TRPM3: variants seen among roughly 807,000 people sequenced by gnomAD.
The protein encoded by TRPM3 is transient receptor potential cation channel subfamily M member 3, also known as long transient receptor potential channel 3.
In TRPM3, 77 loss-of-function variants were observed where a neutral mutation model predicts 181.2. The observed-to-expected ratio is 0.42, with a 90% CI of 0.35 to 0.51. The LOEUF is 0.51. Among genes scored for constraint, TRPM3 ranks in the 20% least tolerant of loss-of-function variants. TRPM3 has a pLI of 0.01. For missense variants in TRPM3, 1,759 were observed against 2,196.7 expected (o/e 0.80, Z 3.98); for synonymous variants, 745 against 796.4 (o/e 0.94, Z 1.09).
chr9:71,210,154 G>A (rs2079397863), intron 1 of TRPM3, among the ~76,000 whole-genome samples: 1 of 152,164 alleles, frequency 6.6e-6, no homozygotes, highest in Non-Finnish European at 1.5e-5. Flanking sequence ...ATCAGCTGCA[G>A]CATTAGGTTC....
Position 71,338,253 on chromosome 9 carries a change from A to G in TRPM3, c.183+108400T>C, listed in dbSNP as rs115733944. On this transcript the variant is annotated intron_variant, in intron 1 of 24. Coordinates refer to the TRPM3 transcript ENST00000357533. ...GTTCCTTAGAGTAAGCGCAAGCCTG[A>G]TTTAGCTCTACTCCAACAAAACCTA... is the stretch of plus-strand genomic sequence containing the variant. Among the ~76,000 whole-genome samples the G allele has an allele frequency of 4.2e-4, 64 of 152,302 alleles. 1 individual carries two copies. The highest frequency in any genetic ancestry group is 1.5e-3 in the African/African-American group (64 of 41,574).
chr9:71,134,679 G>A (rs2074657054), intron 1 of TRPM3, among the ~76,000 whole-genome samples: 1 of 152,176 alleles, frequency 6.6e-6, no homozygotes, highest in Admixed American at 6.5e-5. Flanking sequence ...ATTCAATGTG[G>A]CAGTGATCTC....
intron 1 of TRPM3, among the ~76,000 whole-genome samples, chr9:71,407,295 C>T (rs560668699): frequency 1.3e-5 from 2 of 152,122 alleles, no homozygotes; most frequent in Non-Finnish European, 2.9e-5. Context: ...CCGGGAAGTA[C>T]AAGGGGTTGG....
intron 1 of TRPM3, among the ~76,000 whole-genome samples, chr9:71,023,759 T>C (rs927851540): frequency 2.0e-5 from 3 of 151,796 alleles, no homozygotes; most frequent in Non-Finnish European, 4.4e-5. Context: ...TTCATTTATA[T>C]TAAACATTTG....
intron 1 of TRPM3, among the ~76,000 whole-genome samples, chr9:71,263,285 T>C (rs554271275): frequency 1.3e-4 from 20 of 152,242 alleles, no homozygotes; most frequent in Non-Finnish European, 2.9e-4. Flanking sequence ...AAAATGTTAC[T>C]GTGACCAAAT....
chr9:70,956,746 T>G (rs964300178), intron 1 of TRPM3, among the ~76,000 whole-genome samples: 2 of 151,630 alleles, frequency 1.3e-5, no homozygotes, highest in Non-Finnish European at 2.9e-5. Flanking sequence ...ACTAGCCAGG[T>G]GAAGTAGCAC....
intron 1 of TRPM3, among the ~76,000 whole-genome samples, chr9:71,367,992 GCACACACACATGTGAGTGTATGTGTA>G (rs1348640369): frequency 1.7e-4 from 19 of 111,088 alleles, no homozygotes; most frequent in Admixed American, 1.5e-3. Flanking sequence ...ACATATATGT[GCACACACACATGTGAGTGTATGTGTA>G]CACACACACA....
intron 1 of TRPM3, among the ~76,000 whole-genome samples, chr9:71,029,292 A>G (rs1165571238): frequency 6.6e-6 from 1 of 152,140 alleles, no homozygotes; most frequent in Admixed American, 6.5e-5. Flanking sequence ...CAGATAAAGA[A>G]CTCTTAACCT....
intron 1 of TRPM3, among the ~76,000 whole-genome samples, chr9:71,068,539 A>G (rs2062245782): frequency 6.6e-6 from 1 of 152,172 alleles, no homozygotes; most frequent in Middle Eastern, 3.2e-3. Flanking sequence ...TCTAGAAACT[A>G]CTTACAGCTG....
At chr9:71,316,610 G>A (rs1404084166) in intron 1 of TRPM3, among the ~76,000 whole-genome samples, 1 of 152,076 alleles carries the variant, frequency 6.6e-6, no homozygotes, top group Non-Finnish European at 1.5e-5. Flanking sequence ...ATGGAAGGAG[G>A]AGGCCATAAG....
chr9:71,136,826 A>AG (rs570450803), intron 1 of TRPM3, among the ~76,000 whole-genome samples: 45 of 152,332 alleles, frequency 3.0e-4, no homozygotes, highest in African/African-American at 1.0e-3. Context: ...CAAGGAAGGA[A>AG]GAAGGCCCAT....
intron 1 of TRPM3, among the ~76,000 whole-genome samples, chr9:70,884,692 T>C (rs1012600151): frequency 6.6e-6 from 1 of 152,232 alleles, no homozygotes; most frequent in Admixed American, 6.5e-5. Flanking sequence ...TTCATGTTCC[T>C]GCTTCATAGA....
intron 1 of TRPM3, among the ~76,000 whole-genome samples, chr9:70,954,622 C>T (rs1001792965): frequency 6.6e-6 from 1 of 151,990 alleles, no homozygotes; most frequent in African/African-American, 2.4e-5. Context: ...ATACATATGA[C>T]AGTAGAAGAA....
chr9:70,894,966 T>C (rs4543603), intron 1 of TRPM3, among the ~76,000 whole-genome samples: 49,393 of 152,036 alleles, frequency 0.32, 9,322 homozygotes, highest in Admixed American at 0.42. Context: ...ATGCTGACTG[T>C]ATTGAGTGCT....
chr9:70,817,565 G>A (rs1457115474), intron 6 of TRPM3, among the ~76,000 whole-genome samples: 1 of 152,216 alleles, frequency 6.6e-6, no homozygotes, highest in Non-Finnish European at 1.5e-5. Flanking sequence ...GGTGTATCGA[G>A]ATTCAGCGGG....
chr9:70,657,471 G>A (rs113865720), intron 9 of TRPM3, among the ~76,000 whole-genome samples: 19 of 152,068 alleles, frequency 1.2e-4, no homozygotes, highest in Middle Eastern at 3.4e-3. Flanking sequence ...TAAAGGAAAT[G>A]TTTTCTTCCA....
chr9:71,007,039 C>CAAAAAAAAAAAAAAAAAAAA (rs59442017), intron 1 of TRPM3, among the ~76,000 whole-genome samples: 8 of 27,976 alleles, frequency 2.9e-4, no homozygotes, highest in Admixed American at 7.1e-4. Flanking sequence ...AACTCCATCT[C>CAAAAAAAAAAAAAAAAAAAA]AAAAAAAAAA....
At chr9:70,777,413 A>T (rs1284430034) in intron 7 of TRPM3, among the ~76,000 whole-genome samples, 1 of 152,070 alleles carries the variant, frequency 6.6e-6, no homozygotes, top group African/African-American at 2.4e-5. Flanking sequence ...AATTTTTTTT[A>T]AAGTCAATGC....
chr9:71,222,375 G>A (rs117477580), intron 1 of TRPM3, among the ~76,000 whole-genome samples: 1,640 of 152,224 alleles, frequency 0.011, 26 homozygotes, highest in East Asian at 0.074. Flanking sequence ...TTGGTAGTTT[G>A]TTTTTTGGGA....
Sources: allele counts gnomAD v4.1 joint callset (sites outside exome capture counted in the v4.1 genomes callset), GRCh38; gene constraint gnomAD v4.1.1; transcripts MANE v1.5; gene names NCBI Gene and HGNC (gene_info 2026-07-23, HGNC 2026-07-21).